Variants in SLC41A2 observed in about 807,000 individuals in gnomAD.
SLC41A2 encodes solute carrier family 41 member 2.
In SLC41A2, 32 loss-of-function variants were observed where a neutral mutation model predicts 58.3. The ratio of observed to expected loss-of-function variants is 0.55; its 90% CI spans 0.41 to 0.74. The LOEUF (loss-of-function observed/expected upper bound fraction) is 0.74. Ranked by LOEUF, SLC41A2 falls within the 30% of genes least tolerant of loss-of-function variation. The probability of loss-of-function intolerance (pLI) is 0.00; values close to 1 mark genes in which losing one functional copy is unlikely to be tolerated. For missense variants in SLC41A2, 514 were observed against 680.6 expected (o/e 0.76, Z 2.72); for synonymous variants, 190 against 235.0 (o/e 0.81, Z 1.75).
At chr12:104,850,077 G>A (rs1481734149) in intron 8 of SLC41A2, among the ~76,000 whole-genome samples, 1 of 152,126 alleles carries the variant, frequency 6.6e-6, no homozygotes, top group East Asian at 1.9e-4. Flanking sequence ...AATTGCAACA[G>A]GATGTCTGAA....
At chr12:104,900,933 T>C (rs1853148100) in intron 3 of SLC41A2, among the ~76,000 whole-genome samples, 1 of 152,130 alleles carries the variant, frequency 6.6e-6, no homozygotes, top group Admixed American at 6.5e-5. Flanking sequence ...AAATGTAAGC[T>C]CAGCAAAGGC....
chr12:104,929,494 T>C (rs1178664307), intron 1 of SLC41A2, among the ~76,000 whole-genome samples: 1 of 152,234 alleles, frequency 6.6e-6, no homozygotes, highest in African/African-American at 2.4e-5. Context: ...AATCCCAGGG[T>C]AGAACCCTGA....
chr12:104,864,859 G>T (rs1233477395), intron 7 of SLC41A2, among the ~76,000 whole-genome samples: 2 of 151,894 alleles, frequency 1.3e-5, no homozygotes, highest in Non-Finnish European at 2.9e-5. Context: ...ATTTATCTGA[G>T]GATACTGATA....
intron 8 of SLC41A2, among the ~76,000 whole-genome samples, chr12:104,854,275 C>T (rs2042936120): frequency 6.6e-6 from 1 of 151,962 alleles, no homozygotes; most frequent in Admixed American, 6.6e-5. Context: ...GATTGAAAAA[C>T]ACCGCCGGCT....
Position 104,805,338 on chromosome 12 carries a change from C to G in SLC41A2, c.1537-1G>C, listed in dbSNP as rs774186507. The G allele has an allele frequency of 6.2e-7, 1 of 1,611,796 alleles. No individual in the cohort carries two copies. The highest frequency in any genetic ancestry group is 8.5e-7 in the Non-Finnish European group (1 of 1,178,924). ...CAGCAATCCACAGCAAGGTAAATAC[C>G]TAGAAGAGAACAACAGAGATTACTC... On this transcript the variant is annotated splice_acceptor_variant, in intron 10 of 10. Coordinates refer to ENST00000258538, the MANE Select transcript of SLC41A2 (RefSeq NM_001352171.3). LOFTEE classifies it high-confidence loss of function.
At chr12:104,808,871 T>A (rs981746701) in intron 10 of SLC41A2, among the ~76,000 whole-genome samples, 3 of 152,212 alleles carry the variant, frequency 2.0e-5, no homozygotes, top group Non-Finnish European at 4.4e-5. Context: ...GTTTATAGTA[T>A]TCTCTGATGG....
intron 3 of SLC41A2, among the ~76,000 whole-genome samples, chr12:104,903,855 A>G (rs544453743): frequency 1.3e-5 from 2 of 152,332 alleles, no homozygotes; most frequent in African/African-American, 4.8e-5. Flanking sequence ...AGCAGAGTAG[A>G]GACCACAGAT....
intron 1 of SLC41A2, among the ~76,000 whole-genome samples, chr12:104,933,948 C>T (rs2047166231): frequency 6.6e-6 from 1 of 151,884 alleles, no homozygotes; most frequent in South Asian, 2.1e-4. Context: ...GGGTAAAGGA[C>T]AAAAACCACC....
At chr12:104,813,374 T>TACTAC (rs1243881392) in intron 10 of SLC41A2, among the ~76,000 whole-genome samples, 3 of 152,046 alleles carry the variant, frequency 2.0e-5, no homozygotes, top group Non-Finnish European at 4.4e-5. Context: ...GATTGAGCAT[T>TACTAC]ACTACACTAG....
rs747224261 is a variant in SLC41A2 at position 104,928,061 on chromosome 12, C to T, written c.467G>A (p.Ser156Asn). 30 of 1,614,062 alleles carry T rather than the reference C, an allele frequency of 1.9e-5. No individual in the cohort carries two copies. The highest frequency in any genetic ancestry group is 2.5e-5 in the Non-Finnish European group (30 of 1,180,040). Residue 156 changes from serine (S) to asparagine (N), a missense_variant, in exon 2 of 11, where the codon AGT (serine) becomes AAT (asparagine). Coordinates refer to ENST00000258538, the MANE Select transcript of SLC41A2 (RefSeq NM_001352171.3). ...EVTPKLPKES[S>N]GIMALQILVP... ...AAGTATTTGCAATGCCATGATGCCA[C>T]TGGATTCCTTTGGTAATTTTGGGGT...
chr12:104,881,279 T>C (rs2044356364), intron 6 of SLC41A2, among the ~76,000 whole-genome samples: 1 of 152,214 alleles, frequency 6.6e-6, no homozygotes, highest in African/African-American at 2.4e-5. Flanking sequence ...CCTGGATTCA[T>C]TGATTTTTTG....
At chr12:104,913,773 C>A (rs995389501) in intron 2 of SLC41A2, among the ~76,000 whole-genome samples, 16 of 152,152 alleles carry the variant, frequency 1.1e-4, no homozygotes, top group African/African-American at 3.9e-4. Context: ...TGTACCTCAT[C>A]ATTCAAAAGT....
intron 1 of SLC41A2, among the ~76,000 whole-genome samples, chr12:104,947,156 G>T (rs1409034103): frequency 7.2e-6 from 1 of 137,956 alleles, no homozygotes; most frequent in East Asian, 2.2e-4. Flanking sequence ...CAAAAATGTT[G>T]TACGCTGCTG....
chr12:104,950,658 C>G (rs1370673207), intron 1 of SLC41A2, among the ~76,000 whole-genome samples: 2 of 152,196 alleles, frequency 1.3e-5, no homozygotes, highest in East Asian at 3.8e-4. Flanking sequence ...GGAACTGTGG[C>G]TGGCTAAGCC....
chr12:104,829,718 C>A (rs1454662708), intron 10 of SLC41A2, among the ~76,000 whole-genome samples: 1 of 151,998 alleles, frequency 6.6e-6, no homozygotes, highest in Non-Finnish European at 1.5e-5. Flanking sequence ...AAGCAACAGC[C>A]TTTAGCCAGG....
At chr12:104,866,842 TAACA>T (rs1166778793) in intron 6 of SLC41A2, among the ~76,000 whole-genome samples, 2 of 152,098 alleles carry the variant, frequency 1.3e-5, no homozygotes, top group Admixed American at 1.3e-4. Flanking sequence ...ATAATAACAA[TAACA>T]ACAAGAACAG....
chr12:104,850,612 G>A (rs760845190), intron 8 of SLC41A2, among the ~76,000 whole-genome samples: 3 of 152,172 alleles, frequency 2.0e-5, no homozygotes, highest in Non-Finnish European at 4.4e-5. Context: ...CCCCTTCTAA[G>A]CTGAGAGGTT....
intron 6 of SLC41A2, among the ~76,000 whole-genome samples, chr12:104,877,770 A>G (rs7299346): frequency 0.67 from 101,842 of 151,706 alleles, 34,919 homozygotes; most frequent in African/African-American, 0.81. Context: ...AGGCCGAGGC[A>G]GGCAGATTCC....
At chr12:104,873,232 G>A (rs2043874516) in intron 6 of SLC41A2, among the ~76,000 whole-genome samples, 1 of 151,088 alleles carries the variant, frequency 6.6e-6, no homozygotes, top group Admixed American at 6.6e-5. Flanking sequence ...TCGTTCCTAT[G>A]TATCTGACAT....
Sources: gnomAD v4.1 joint callset for allele counts (sites outside exome capture counted in the v4.1 genomes callset) on GRCh38, gnomAD v4.1.1 for gene constraint, MANE v1.5 for transcripts, NCBI Gene and HGNC (gene_info 2026-07-23, HGNC 2026-07-21) for gene names.